Variants in FAM149A observed in about 807,000 individuals in gnomAD.
FAM149A encodes the protein protein FAM149A.
Under a neutral mutation model 78.2 loss-of-function variants are expected in FAM149A, and 71 were observed. The ratio of observed to expected loss-of-function variants is 0.91; its 90% CI spans 0.75 to 1.11. The LOEUF (loss-of-function observed/expected upper bound fraction) is 1.11. Ranked by LOEUF, FAM149A falls within the 50% of genes least tolerant of loss-of-function variation. FAM149A has a pLI of 0.00. For synonymous variants in FAM149A, 446 were observed against 410.5 expected (o/e 1.09, Z -1.04); for missense variants, 1,036 against 971.0 (o/e 1.07, Z -0.89).
intron 13 of FAM149A, among the ~76,000 whole-genome samples, chr4:186,168,388 C>T (rs10009551): frequency 0.04 from 6,154 of 152,290 alleles, 413 homozygotes; most frequent in African/African-American, 0.14. Flanking sequence ...TGAAGTCTCA[C>T]TGCGACGCCC....
chr4:186,153,307 T>A, intron 4 of FAM149A: 1 of 930,622 alleles, frequency 1.1e-6, no homozygotes, highest in Non-Finnish European at 1.3e-6. Flanking sequence ...ATGGAGGGCT[T>A]CTTTGTGCCC....
chr4:186,136,135 TAAATCA>T (rs1322538657), intron 1 of FAM149A, among the ~76,000 whole-genome samples: 2 of 152,170 alleles, frequency 1.3e-5, no homozygotes, highest in African/African-American at 4.8e-5. Flanking sequence ...TTTAAAAGAG[TAAATCA>T]AACATTGAAA....
chr4:186,133,005 G>A, intron 1 of FAM149A: 2 of 985,362 alleles, frequency 2.0e-6, no homozygotes, highest in Admixed American at 6.1e-5. Flanking sequence ...GACGAGCTCT[G>A]CCTATAGAGC....
chr4:186,117,346 G>A, intron 1 of FAM149A: 1 of 784,180 alleles, frequency 1.3e-6, no homozygotes, highest in South Asian at 5.8e-5. Flanking sequence ...AGATTTTTGA[G>A]TAATTAGGGA....
At chr4:186,115,468 G>T (rs1227521986) in intron 1 of FAM149A, among the ~76,000 whole-genome samples, 2 of 130,866 alleles carry the variant, frequency 1.5e-5, no homozygotes, top group Non-Finnish European at 1.6e-5. Context: ...GAGGAGAGGC[G>T]CTCTGCGTTT....
intron 1 of FAM149A, among the ~76,000 whole-genome samples, chr4:186,146,161 G>A (rs889747194): frequency 2.6e-5 from 4 of 152,074 alleles, no homozygotes; most frequent in Admixed American, 6.5e-5. Context: ...ATTGAGTTAC[G>A]GACTTAAATT....
At chr4:186,116,564 A>G in intron 1 of FAM149A, 8 of 983,878 alleles carry the variant, frequency 8.1e-6, no homozygotes, top group Non-Finnish European at 9.6e-6. Context: ...TTTTGCTTTA[A>G]ATTATCCTCT....
intron 8 of FAM149A, chr4:186,160,924 A>C: frequency 5.4e-5 from 52 of 967,102 alleles, no homozygotes; most frequent in Non-Finnish European, 5.9e-5. Context: ...CCTGTTTCTC[A>C]AAACCTCAAT....
At chr4:186,130,650 T>G (rs11945328) in intron 1 of FAM149A, among the ~76,000 whole-genome samples, 71 of 152,082 alleles carry the variant, frequency 4.7e-4, no homozygotes, top group African/African-American at 1.6e-3. Flanking sequence ...TGAGCCACCG[T>G]GCCTGGCCAA....
chr4:186,119,621 T>G (rs1029458917), intron 1 of FAM149A, among the ~76,000 whole-genome samples: 1 of 152,246 alleles, frequency 6.6e-6, no homozygotes. Flanking sequence ...CTTGAAATTA[T>G]TTTTAAATAT....
chr4:186,119,843 A>G (rs1382057110), intron 1 of FAM149A, among the ~76,000 whole-genome samples: 2 of 152,368 alleles, frequency 1.3e-5, no homozygotes, highest in South Asian at 2.1e-4. Flanking sequence ...CCATCCCTGT[A>G]GAGATGCAGG....
chr4:186,110,126 AT>A (rs1273492716), intron 1 of FAM149A: 2 of 985,340 alleles, frequency 2.0e-6, no homozygotes, highest in Non-Finnish European at 2.4e-6. Context: ...AAGGGAACAC[AT>A]GCCCATAAAA....
chr4:186,123,292 G>A, intron 1 of FAM149A: 1 of 985,246 alleles, frequency 1.0e-6, no homozygotes, highest in Non-Finnish European at 1.2e-6. Flanking sequence ...AGTTTATGTA[G>A]TTTATACAGT....
At chr4:186,158,369 GC>G in intron 8 of FAM149A, 1 of 1,203,462 alleles carries the variant, frequency 8.3e-7, no homozygotes, top group Non-Finnish European at 1.1e-6. Flanking sequence ...GCCATCCCGT[GC>G]AACAAGGGAG....
chr4:186,154,920 A>G, intron 6 of FAM149A: 1 of 984,470 alleles, frequency 1.0e-6, no homozygotes, highest in Non-Finnish European at 1.2e-6. Context: ...GCTGCCCAAA[A>G]GGGCCTAAGG....
At chr4:186,126,795 A>T in intron 1 of FAM149A, 1 of 767,850 alleles carries the variant, frequency 1.3e-6, no homozygotes, top group Non-Finnish European at 1.6e-6. Flanking sequence ...TGATTGCGTG[A>T]GCCTGTTCCC....
chr4:186,106,021 A>T (rs941848322), intron 1 of FAM149A, among the ~76,000 whole-genome samples: 1 of 152,196 alleles, frequency 6.6e-6, no homozygotes, highest in African/African-American at 2.4e-5. Context: ...CCGAATACAC[A>T]CGTCTGCAGC....
chr4:186,161,469 A>T (rs1734601148), intron 8 of FAM149A, among the ~76,000 whole-genome samples: 1 of 152,112 alleles, frequency 6.6e-6, no homozygotes, highest in Non-Finnish European at 1.5e-5. Context: ...AAACTTTTGG[A>T]ATTGCTACCT....
chr4:186,147,885 CAG>C (rs1016325903), intron 1 of FAM149A, among the ~76,000 whole-genome samples: 83 of 152,224 alleles, frequency 5.5e-4, no homozygotes, highest in African/African-American at 2.0e-3. Context: ...TCTTTATCCT[CAG>C]AGTTACCTGG....
Sources: gnomAD v4.1 joint callset for allele counts (sites outside exome capture counted in the v4.1 genomes callset) on GRCh38, gnomAD v4.1.1 for gene constraint, MANE v1.5 for transcripts, NCBI Gene and HGNC (gene_info 2026-07-23, HGNC 2026-07-21) for gene names.